The following ATP13A1 variants were observed in gnomAD, a reference collection of about 807,000 sequenced individuals.
ATP13A1 encodes the protein ATPase 13A1.
ATP13A1 carries 55 observed loss-of-function variants against 134.8 expected under a neutral mutation model. The ratio of observed to expected loss-of-function variants is 0.41; its 90% CI spans 0.33 to 0.51. The LOEUF (loss-of-function observed/expected upper bound fraction) is 0.51, where lower values mean the gene tolerates loss of function less well. ATP13A1 is among the 20% of genes least tolerant of loss of function. ATP13A1 has a pLI of 0.29. For missense variants in ATP13A1, 1,389 were observed against 1,652.8 expected (o/e 0.84, Z 2.77); for synonymous variants, 775 against 725.1 (o/e 1.07, Z -1.10).
At chr19:19,663,129 A>T (rs1172253703) in intron 1 of ATP13A1, 142 bp downstream of exon 1, 2 of 1,261,414 alleles carry the variant, frequency 1.6e-6, no homozygotes, top group Non-Finnish European at 2.3e-6. Context: ...AGCCTGCGCC[A>T]AAGTGTAGAG....
intron 16 of ATP13A1, 54 bp from the exon 17 acceptor site, chr19:19,651,851 G>T: frequency 7.0e-7 from 1 of 1,419,712 alleles, no homozygotes; most frequent in Non-Finnish European, 9.8e-7. Context: ...CAAGCTCTAG[G>T]CCAGAGACAA....
Position 19,653,921 on chromosome 19 carries a change from G to T in ATP13A1, c.1990-27C>A. ...TGCAGGGAATGCAGGGGGATGTCAC[G>T]GGCTGCCCCGCGCCCCCACCCCTTG... is the stretch of plus-strand genomic sequence containing the variant. On this transcript the variant is annotated intron_variant, in intron 14 of 25. Transcript: ENST00000357324. The surrounding 1 kb of genome is among the most constrained non-coding windows in gnomAD (Gnocchi z 4.2). 1 of 1,568,176 alleles carries T rather than the reference G, an allele frequency of 6.4e-7. No homozygotes were observed. Among genetic ancestry groups the T allele is most frequent in the East Asian group, 2.4e-5 (1 of 42,184 alleles).
chr19:19,647,814 T>C lies in ATP13A1; in HGVS notation c.2633-55A>G, dbSNP rs1412780571. On this transcript the variant is annotated intron_variant, in intron 19 of 25. Coordinates refer to ENST00000357324, the MANE Select transcript of ATP13A1 (RefSeq NM_020410.3). The surrounding 1 kb of genome is among the most constrained non-coding windows in gnomAD (Gnocchi z 4.8). ...GGAGCAGGCTCCACGGAGGGGAAGA[T>C]TGCTGGCTTCAGAGCCACTGGTCCT... The C allele has an allele frequency of 1.7e-5, 26 of 1,521,114 alleles. No individual in the cohort carries two copies. Among genetic ancestry groups the C allele is most frequent in the Non-Finnish European group, 2.1e-5 (24 of 1,137,326 alleles). 94.2% of individuals were successfully genotyped at this position (1,521,114 alleles called of 1,614,324 possible).
At position 19,656,549 on chromosome 19, in the gene ATP13A1, C is replaced by A. The variant is rs1480813062; in HGVS notation, c.1083+111G>T. 2.5e-6 allele frequency: 3 copies of A among 1,194,956 alleles called. No homozygotes were observed. Among genetic ancestry groups the A allele is most frequent in the Non-Finnish European group, 3.5e-6 (3 of 845,656 alleles). The allele number at this position is 1,194,956 out of a possible 1,614,324, so 74.0% of individuals were successfully genotyped here. Reference sequence around the variant, plus strand: ...AGTCCACAGAGCTCATCTGTGCCCACACTGCCTCCTCCGCCTGTGCCTGAG... The same window carrying A: ...AGTCCACAGAGCTCATCTGTGCCCAAACTGCCTCCTCCGCCTGTGCCTGAG... On this transcript the variant is annotated intron_variant, in intron 7 of 25. Transcript: ENST00000357324. The surrounding 1 kb of genome is among the most constrained non-coding windows in gnomAD (Gnocchi z 4.6).
At chr19:19,654,745 GGCGAA>G in intron 12 of ATP13A1, 45 bp from the exon 13 acceptor site, 1 of 1,567,174 alleles carries the variant, frequency 6.4e-7, no homozygotes, top group Non-Finnish European at 8.6e-7. Context: ...AGGCGGGTAG[GGCGAA>G]GCTGCATCCC....
Position 19,645,608 on chromosome 19 carries a change from C to A in ATP13A1, c.3504+39G>T. ...GGTCACTGCCATAGGAGGGACCCAT[C>A]AAGCTGAGCCCCAGGGTCACCTCCA... On this transcript the variant is annotated intron_variant, in intron 25 of 25. Transcript: ENST00000357324. The surrounding 1 kb of genome is among the most constrained non-coding windows in gnomAD (Gnocchi z 4.1). 1 of 1,560,370 alleles carries A rather than the reference C, an allele frequency of 6.4e-7. No homozygotes were observed. Among genetic ancestry groups the A allele is most frequent in the Admixed American group, 1.9e-5 (1 of 51,584 alleles).
chr19:19,649,658 A>C lies in ATP13A1; in HGVS notation c.2541T>G (p.Phe847Leu), dbSNP rs1473910169. The change falls in exon 19 of 26, where the codon TTT becomes TTG. Residue 847 changes from phenylalanine (F) to leucine (L), a missense_variant. Coordinates refer to ENST00000357324, the MANE Select transcript of ATP13A1 (RefSeq NM_020410.3). The stretch of plus-strand genomic sequence containing the variant: ...CCAGCTCCTTCAGGCTGGTGATGAC[A>C]AACTCCTGTATGGGCGGAGACAGGC... ...FARVAPKQKE[F>L]VITSLKELGY... 3 of 1,613,784 alleles carry C rather than the reference A, an allele frequency of 1.9e-6. No homozygotes were observed. The African/African-American group carries it at 4.0e-5, about 22-fold the overall frequency.
Position 19,646,192 on chromosome 19 carries a change from A to C in ATP13A1, c.3248+13T>G. On this transcript the variant is annotated intron_variant, in intron 23 of 25. Coordinates refer to ENST00000357324, the MANE Select transcript of ATP13A1 (RefSeq NM_020410.3). Reference sequence around the variant, plus strand: ...AGCTGCAGGGACATCACCTCCTCCAAGGCAGCACTTACTTCTCGGGGCTCC... The same window carrying C: ...AGCTGCAGGGACATCACCTCCTCCACGGCAGCACTTACTTCTCGGGGCTCC... The C allele has an allele frequency of 6.2e-7, 1 of 1,613,386 alleles. No homozygotes were observed. Among genetic ancestry groups the C allele is most frequent in the Non-Finnish European group, 8.5e-7 (1 of 1,179,592 alleles).
At chr19:19,649,338 C>T (rs2062009061) in intron 19 of ATP13A1, among the ~76,000 whole-genome samples, 1 of 152,214 alleles carries the variant, frequency 6.6e-6, no homozygotes, top group Admixed American at 6.5e-5. Context: ...CTGAGTCACT[C>T]TCCCAACTTG....
At chr19:19,662,029 GAGC>G (rs1314091519) in intron 1 of ATP13A1, 13 of 1,556,474 alleles carry the variant, frequency 8.4e-6, no homozygotes, top group Non-Finnish European at 1.0e-5. Flanking sequence ...GAAACTCAGA[GAGC>G]AGAAGCGGCC....
rs1269795036 is a variant in ATP13A1 at position 19,655,577 on chromosome 19, G to A, written c.1347C>T (p.Leu449=). The stretch of plus-strand genomic sequence containing the variant: ...CAGCGATGGCAAACACCAGGAGGAA[G>A]AGGATGAAGATGAAGGTCTCCAGGT... The part of the protein sequence containing the change: ...ANNLETFIFI[L]FLLVFAIAAA... The change falls in exon 10 of 26, where the codon CTC becomes CTT. Residue 449 remains leucine (L), a synonymous_variant. Transcript: ENST00000357324. The surrounding 1 kb of genome is among the most constrained non-coding windows in gnomAD (Gnocchi z 5.7). 5.6e-6 allele frequency: 9 copies of A among 1,613,886 alleles called. No individual in the cohort carries two copies. The highest frequency in any genetic ancestry group is 7.6e-6 in the Non-Finnish European group (9 of 1,179,892).
At chr19:19,650,150 G>A (rs1233988287) in intron 17 of ATP13A1, 4 of 597,494 alleles carry the variant, frequency 6.7e-6, no homozygotes, top group Non-Finnish European at 1.2e-5. Context: ...TGGGGCCTGA[G>A]CTACTTGCCT....
chr19:19,649,494 C>A, intron 19 of ATP13A1, 73 bp downstream of exon 19: 1 of 1,493,006 alleles, frequency 6.7e-7, no homozygotes, highest in South Asian at 1.2e-5. Context: ...AGGGCCAGGT[C>A]TGTCTTTCTA....
At chr19:19,662,227 G>GTGTC in intron 1 of ATP13A1, 1 of 1,517,216 alleles carries the variant, frequency 6.6e-7, no homozygotes, top group Non-Finnish European at 8.8e-7. Flanking sequence ...TCCCTCATTG[G>GTGTC]TGTCTTTCAT....
Position 19,645,768 on chromosome 19 carries a change from AG to A in ATP13A1, c.3382del (p.Leu1128CysfsTer73). On this transcript the variant is annotated frameshift_variant, in exon 25 of 26. Coordinates refer to ENST00000357324, the MANE Select transcript of ATP13A1 (RefSeq NM_020410.3). LOFTEE classifies it high-confidence loss of function. The surrounding 1 kb of genome is among the most constrained non-coding windows in gnomAD (Gnocchi z 4.1). ...NYKGPPFMES[L>X]PENKPLVWSL... Reference sequence around the variant, plus strand: ...CCACACCAGGGGCTTGTTCTCGGGCAGGCTCTCCATGAAGGGCGGGCCCTGT... The same window carrying A: ...CCACACCAGGGGCTTGTTCTCGGGCAGCTCTCCATGAAGGGCGGGCCCTGT... The A allele has an allele frequency of 6.7e-7, 1 of 1,484,056 alleles. No homozygotes were observed. Among genetic ancestry groups the A allele is most frequent in the Non-Finnish European group, 9.1e-7 (1 of 1,104,116 alleles). 91.9% of individuals were successfully genotyped at this position (1,484,056 alleles called of 1,614,324 possible).
At chr19:19,657,747 G>C (rs1024928643) in intron 3 of ATP13A1, among the ~76,000 whole-genome samples, 1 of 152,224 alleles carries the variant, frequency 6.6e-6, no homozygotes, top group East Asian at 1.9e-4. Flanking sequence ...ACAGCAAGTA[G>C]AGAAGGAACC....
rs80235656 is a variant in ATP13A1, at chr19:19,651,508, G to A, written c.2335+181C>T. The A allele has an allele frequency of 8.3e-4, 410 of 493,658 alleles. 1 individual carries two copies. The highest frequency in any genetic ancestry group is 7.5e-3 in the African/African-American group (379 of 50,218). The allele number at this position is 493,658 out of a possible 1,614,324, so 30.6% of individuals were successfully genotyped here. On this transcript the variant is annotated intron_variant, in intron 17 of 25. Transcript: ENST00000357324. Reference sequence around the variant, plus strand: ...ACATGCCGCACATCCTGGGACCTGCGACCCAGTGAACGCTCACATGCTGTC... The same window carrying A: ...ACATGCCGCACATCCTGGGACCTGCAACCCAGTGAACGCTCACATGCTGTC...
intron 23 of ATP13A1, 105 bp from the exon 24 acceptor site, chr19:19,646,090 G>A: frequency 3.8e-6 from 6 of 1,592,062 alleles, no homozygotes; most frequent in Non-Finnish European, 5.2e-6. Flanking sequence ...GCCTGGCCTA[G>A]TGCCCCTCCC....
Position 19,645,583 on chromosome 19 carries a change from G to C in ATP13A1, c.3505-51C>G. On this transcript the variant is annotated intron_variant, in intron 25 of 25. Coordinates refer to ENST00000357324, the MANE Select transcript of ATP13A1 (RefSeq NM_020410.3). This position sits in a 1 kb window ranked among gnomAD's most constrained non-coding sequence, Gnocchi z 4.1. ...GCTGGAGACCTGCAGCCCAGCTCAG[G>C]GTCACTGCCATAGGAGGGACCCATC... 4 of 1,562,958 alleles carry C rather than the reference G, an allele frequency of 2.6e-6. No individual in the cohort carries two copies. The highest frequency in any genetic ancestry group is 3.5e-6 in the Non-Finnish European group (4 of 1,153,756).
Sources: allele counts gnomAD v4.1 joint callset (sites outside exome capture counted in the v4.1 genomes callset), GRCh38; gene constraint gnomAD v4.1.1; non-coding constraint Gnocchi (gnomAD v3.1); transcripts MANE v1.5; gene names NCBI Gene and HGNC (gene_info 2026-07-23, HGNC 2026-07-21).